The following MYO9A variants were observed in gnomAD, a reference collection of about 807,000 sequenced individuals.
The protein encoded by MYO9A is myosin IXA.
In MYO9A, 103 loss-of-function variants were observed where a neutral mutation model predicts 293.3. The ratio of observed to expected loss-of-function variants is 0.35; its 90% CI spans 0.30 to 0.41. The LOEUF (loss-of-function observed/expected upper bound fraction) is 0.41, where lower values mean the gene tolerates loss of function less well. Ranked by LOEUF, MYO9A falls within the 10% of genes least tolerant of loss-of-function variation. MYO9A has a pLI of 1.00. For missense variants in MYO9A, 2,685 were observed against 3,033.0 expected (o/e 0.89, Z 2.69); for synonymous variants, 1,001 against 1,035.7 (o/e 0.97, Z 0.64).
At chr15:72,054,200 GT>G (rs937439052) in intron 1 of MYO9A, among the ~76,000 whole-genome samples, 3 of 152,048 alleles carry the variant, frequency 2.0e-5, no homozygotes, top group East Asian at 1.9e-4. Flanking sequence ...TCTCTTAAGG[GT>G]TTTTTTTAGC....
At chr15:71,850,298 T>C in intron 37 of MYO9A, 131 bp from the exon 38 acceptor site, 1 of 1,061,504 alleles carries the variant, frequency 9.4e-7, no homozygotes, top group Non-Finnish European at 1.4e-6. Context: ...AGGATATCCA[T>C]TAAGTTTAAG....
At chr15:72,009,307 G>T (rs1427096284) in intron 7 of MYO9A, among the ~76,000 whole-genome samples, 1 of 152,042 alleles carries the variant, frequency 6.6e-6, no homozygotes, top group East Asian at 1.9e-4. Context: ...CTCATAAAAA[G>T]ATTCTAGTAA....
chr15:71,829,978 A>C (rs2054651175), intron 40 of MYO9A, 131 bp downstream of exon 40: 1 of 986,988 alleles, frequency 1.0e-6, no homozygotes, highest in African/African-American at 1.6e-5. Context: ...TGTCATCTCA[A>C]CATCTCCTGT....
chr15:71,994,287 A>G (rs564366483), intron 10 of MYO9A, among the ~76,000 whole-genome samples, 182 bp downstream of exon 10: 8 of 152,330 alleles, frequency 5.3e-5, no homozygotes, highest in Admixed American at 4.6e-4. Flanking sequence ...GTAAAAACAC[A>G]TAATAAAAAA....
chr15:71,871,612 G>C (rs1012651480), intron 32 of MYO9A, among the ~76,000 whole-genome samples: 7 of 151,048 alleles, frequency 4.6e-5, no homozygotes, highest in Non-Finnish European at 8.8e-5. Context: ...GCCTGGCGAG[G>C]TTGTGAGGCT....
intron 39 of MYO9A, among the ~76,000 whole-genome samples, chr15:71,836,287 CAT>C (rs1160980466): frequency 6.6e-6 from 1 of 151,800 alleles, no homozygotes; most frequent in African/African-American, 2.4e-5. Flanking sequence ...ACACATTATA[CAT>C]GTTAGAGTCA....
At chr15:71,958,367 G>C (rs1647780140) in intron 14 of MYO9A, 1 of 152,166 alleles carries the variant, frequency 6.6e-6, no homozygotes, top group Non-Finnish European at 1.5e-5. Context: ...TACCAAAAGA[G>C]AGTAGGTAGG....
At chr15:72,069,199 T>A (rs929123167) in intron 1 of MYO9A, among the ~76,000 whole-genome samples, 2 of 152,166 alleles carry the variant, frequency 1.3e-5, no homozygotes, top group African/African-American at 4.8e-5. Flanking sequence ...AGCATTAGAC[T>A]TTTGCCAGCA....
At chr15:72,050,779 T>G (rs560864889) in intron 1 of MYO9A, among the ~76,000 whole-genome samples, 1 of 152,292 alleles carries the variant, frequency 6.6e-6, no homozygotes, top group Admixed American at 6.5e-5. Context: ...GGAACTCACT[T>G]TCTACTCCCT....
In MYO9A at chr15:72,032,538, C is replaced by T. The variant is rs779230345; in HGVS notation, c.891G>A (p.Gly297=). 39 of 1,609,518 alleles carry T rather than the reference C, an allele frequency of 2.4e-5. No homozygotes were observed. The highest frequency in any genetic ancestry group is 3.1e-5 in the Non-Finnish European group (36 of 1,178,164). ...TAHNNNSSRF[G]KFIQVNYQET... is the part of the protein sequence containing the mutation. ...CCTGGTAATTTACTTGAATAAACTT[C>T]CCAAAACGACTTGAATTGTTATTAT... The change falls in exon 3 of 42, where the codon GGG becomes GGA. Residue 297 remains glycine (G), a synonymous_variant. Transcript: ENST00000356056.
rs1163408279 is a variant in MYO9A, at chr15:72,081,718, T to C, written c.-71-35084A>G. Among the ~76,000 whole-genome samples the C allele has an allele frequency of 3.3e-5, 5 of 152,248 alleles. No homozygotes were observed. In the East Asian group the frequency reaches 9.6e-4, roughly 29 times the overall value. On this transcript the variant is annotated intron_variant, in intron 1 of 41. Transcript: ENST00000356056. The stretch of plus-strand genomic sequence containing the variant: ...TTAATCCATCTTGAGTTAATTTTTG[T>C]ACACGGTGAAAGGAAGGCATCGTTT...
At chr15:71,978,399 A>C in intron 11 of MYO9A, 107 bp from the exon 12 acceptor site, 1 of 824,526 alleles carries the variant, frequency 1.2e-6, no homozygotes, top group Non-Finnish European at 1.8e-6. Flanking sequence ...AGATTTTAAA[A>C]ATCACCAATC....
chr15:71,905,675 A>G (rs1191738357), intron 19 of MYO9A, among the ~76,000 whole-genome samples: 1 of 148,174 alleles, frequency 6.7e-6, no homozygotes, highest in Non-Finnish European at 1.5e-5. Flanking sequence ...AGGCATGAGA[A>G]TTACTTAAAC....
chr15:71,922,627 T>C (rs1471888859), intron 18 of MYO9A, among the ~76,000 whole-genome samples: 1 of 152,126 alleles, frequency 6.6e-6, no homozygotes, highest in Non-Finnish European at 1.5e-5. Context: ...CCCAAACCTT[T>C]GGGAATCAAA....
At chr15:71,830,491 T>C (rs1012038016) in intron 39 of MYO9A, among the ~76,000 whole-genome samples, 180 bp from the exon 40 acceptor site, 1 of 152,206 alleles carries the variant, frequency 6.6e-6, no homozygotes. Flanking sequence ...TAAGTTAAAA[T>C]ATTTCTTGCA....
chr15:72,037,661 T>C (rs2078097753), intron 2 of MYO9A, among the ~76,000 whole-genome samples: 1 of 152,108 alleles, frequency 6.6e-6, no homozygotes, highest in Non-Finnish European at 1.5e-5. Context: ...ATATAGACTT[T>C]ACAAAATTAG....
chr15:71,960,655 C>A (rs12902006), intron 13 of MYO9A, among the ~76,000 whole-genome samples: 1 of 152,002 alleles, frequency 6.6e-6, no homozygotes, highest in African/African-American at 2.4e-5. Context: ...CTAACTGGAC[C>A]GGGTATCTTC....
chr15:72,074,438 C>A (rs553076839), intron 1 of MYO9A, among the ~76,000 whole-genome samples: 9 of 152,116 alleles, frequency 5.9e-5, no homozygotes, highest in South Asian at 4.2e-4. Context: ...ACAACAACAA[C>A]AAAAAACAAT....
At chr15:71,946,876 G>A (rs1326826850) in intron 15 of MYO9A, among the ~76,000 whole-genome samples, 1 of 152,190 alleles carries the variant, frequency 6.6e-6, no homozygotes, top group Non-Finnish European at 1.5e-5. Flanking sequence ...TACTTTGGGA[G>A]GCCAAAGCAG....
Sources: gnomAD v4.1 joint callset for allele counts (sites outside exome capture counted in the v4.1 genomes callset) on GRCh38, gnomAD v4.1.1 for gene constraint, MANE v1.5 for transcripts, NCBI Gene and HGNC (gene_info 2026-07-23, HGNC 2026-07-21) for gene names.